Variants in PSMD9 observed in about 807,000 individuals in gnomAD.
PSMD9 encodes the protein proteasome 26S subunit, non-ATPase 9, also known as 26S proteasome non-ATPase regulatory subunit 9.
In PSMD9, 26 loss-of-function variants were observed where a neutral mutation model predicts 25.9. That is an observed-to-expected ratio of 1.00 (90% CI 0.73 to 1.39). The LOEUF (loss-of-function observed/expected upper bound fraction) is 1.39, where lower values mean the gene tolerates loss of function less well. Among genes scored for constraint, PSMD9 ranks in the 40% most tolerant of loss-of-function variants. The pLI is 0.00. For synonymous variants in PSMD9, 110 were observed against 114.5 expected, an observed-to-expected ratio of 0.96 and a Z score of 0.25; for missense variants, 303 against 299.3, an observed-to-expected ratio of 1.01 and a Z score of -0.09.
At chr12:121,902,070 T>C (rs1442084154) in intron 3 of PSMD9, 5 of 152,244 alleles carry the variant, frequency 3.3e-5, no homozygotes, top group African/African-American at 1.2e-4. Context: ...ACATTTGAAT[T>C]GTTACCACTT....
At position 121,888,881 on chromosome 12, in the gene PSMD9, A is replaced by T. The variant is rs747636891; in HGVS notation, c.25A>T (p.Ser9Cys). The T allele has an allele frequency of 6.2e-7, 1 of 1,603,920 alleles. No individual in the cohort carries two copies. The highest frequency in any genetic ancestry group is 8.5e-7 in the Non-Finnish European group (1 of 1,176,144). Residue 9 changes from serine to cysteine, a missense_variant, in exon 1 of 6, where the codon AGC (serine) becomes TGC (cysteine). Coordinates refer to ENST00000541212, the MANE Select transcript of PSMD9 (RefSeq NM_002813.7). The stretch of plus-strand genomic sequence containing the variant: ...GATGTCCGACGAGGAAGCGAGGCAG[A>T]GCGGAGGCTCCTCGCAGGCCGGCGT... MSDEEARQ[S>C]GGSSQAGVVT...
intron 4 of PSMD9, among the ~76,000 whole-genome samples, chr12:121,911,878 C>T (rs377341542): frequency 3.9e-5 from 6 of 152,018 alleles, no homozygotes; most frequent in African/African-American, 1.4e-4. Flanking sequence ...GCCTCGAACT[C>T]CTGACCTCAA....
intron 4 of PSMD9, chr12:121,910,850 T>C: frequency 4.2e-5 from 18 of 427,618 alleles, no homozygotes; most frequent in South Asian, 2.9e-4. Flanking sequence ...ATATCACCCC[T>C]ACCCATCTCC....
In PSMD9 at chr12:121,896,778, G is replaced by A. The variant is rs200370641; in HGVS notation, c.241+1937G>A. Among the ~76,000 whole-genome samples the A allele has an allele frequency of 2.7e-5, 4 of 150,004 alleles. No homozygotes were observed. In the East Asian group the frequency reaches 7.9e-4, roughly 30 times the overall value. Reference sequence around the variant, plus strand: ...TTGAACCCAGGAGGCGGAGGTTGCCGTGAGCCGAGATTGTGCCATTGCACT... The same window carrying A: ...TTGAACCCAGGAGGCGGAGGTTGCCATGAGCCGAGATTGTGCCATTGCACT... On this transcript the variant is annotated intron_variant, in intron 2 of 5. Coordinates refer to ENST00000541212, the MANE Select transcript of PSMD9 (RefSeq NM_002813.7).
At chr12:121,905,450 T>C (rs1879527402) in intron 4 of PSMD9, among the ~76,000 whole-genome samples, 1 of 151,634 alleles carries the variant, frequency 6.6e-6, no homozygotes, top group African/African-American at 2.4e-5. Flanking sequence ...GGTCTCGATC[T>C]CCTGACCTCG....
chr12:121,915,208 C>G (rs1363081247), intron 4 of PSMD9: 1 of 151,844 alleles, frequency 6.6e-6, no homozygotes, highest in African/African-American at 2.4e-5. Flanking sequence ...ACCTGTAGTC[C>G]CAGCTACTCA....
Position 121,888,925 on chromosome 12 carries a change from C to A in PSMD9, c.69C>A (p.Val23=). 1 of 1,595,484 alleles carries A rather than the reference C, an allele frequency of 6.3e-7. No homozygotes were observed. The stretch of plus-strand genomic sequence containing the variant: ...CCGGCGTCGTGACTGTCAGCGACGT[C>A]CAGGAGCTGATGCGGCGCAAGGAGG... The part of the protein sequence containing the change: ...SQAGVVTVSD[V]QELMRRKEEI... Residue 23 remains valine, a synonymous_variant, in exon 1 of 6, where the codon GTC becomes GTA. Transcript: ENST00000541212.
intron 1 of PSMD9, among the ~76,000 whole-genome samples, chr12:121,893,487 G>A (rs1181209418): frequency 6.6e-6 from 1 of 152,198 alleles, no homozygotes; most frequent in Non-Finnish European, 1.5e-5. Context: ...CACAGAGTTG[G>A]TGACTTAAAA....
At chr12:121,912,868 C>CAAAA (rs35325016) in intron 4 of PSMD9, among the ~76,000 whole-genome samples, 5 of 85,790 alleles carry the variant, frequency 5.8e-5, no homozygotes, top group Non-Finnish European at 1.1e-4. Flanking sequence ...AACCCTGTCT[C>CAAAA]AAAAAAAAAA....
At chr12:121,905,111 C>T (rs2135726935) in intron 4 of PSMD9, among the ~76,000 whole-genome samples, 1 of 152,016 alleles carries the variant, frequency 6.6e-6, no homozygotes, top group African/African-American at 2.4e-5. Context: ...AAAGACTGCT[C>T]ATATACCAGC....
chr12:121,908,426 G>A (rs1057438264), intron 4 of PSMD9, among the ~76,000 whole-genome samples: 5 of 152,074 alleles, frequency 3.3e-5, no homozygotes, highest in African/African-American at 7.2e-5. Flanking sequence ...TGATCTGCCC[G>A]CTTCGGCCTC....
chr12:121,911,032 T>TTTTTGTTTTG (rs58759018), intron 4 of PSMD9: 11 of 450,858 alleles, frequency 2.4e-5, no homozygotes, highest in East Asian at 7.1e-5. Flanking sequence ...CTGTGTAGTT[T>TTTTTGTTTTG]TTTTGTTTTG....
chr12:121,890,599 C>T (rs1879041780), intron 1 of PSMD9, among the ~76,000 whole-genome samples: 1 of 152,066 alleles, frequency 6.6e-6, no homozygotes, highest in African/African-American at 2.4e-5. Context: ...TCCCAAGTAG[C>T]TGAGACTGCA....
At position 121,896,602 on chromosome 12, in the gene PSMD9, C is replaced by T. The variant is rs1048293719; in HGVS notation, c.241+1761C>T. ...CTGTAATCCCAGCACACTGGGAGGCCGAGGTGGGCAGATCACCTGAGGTCG... is the reference window on the plus strand; with the variant it reads ...CTGTAATCCCAGCACACTGGGAGGCTGAGGTGGGCAGATCACCTGAGGTCG... On this transcript the variant is annotated intron_variant, in intron 2 of 5. Transcript: ENST00000541212. 1.1e-3 allele frequency among the ~76,000 whole-genome samples: 168 copies of T among 151,626 alleles called. 4 individuals are homozygous for T. The highest frequency in any genetic ancestry group is 8.8e-5 in the Non-Finnish European group (6 of 67,858).
At chr12:121,906,939 C>T (rs1204966879) in intron 4 of PSMD9, among the ~76,000 whole-genome samples, 3 of 145,520 alleles carry the variant, frequency 2.1e-5, no homozygotes, top group Non-Finnish European at 4.5e-5. Flanking sequence ...GCACCCTAGC[C>T]TGGGCGACAG....
chr12:121,889,598 T>C (rs149593528), intron 1 of PSMD9, among the ~76,000 whole-genome samples: 13 of 152,316 alleles, frequency 8.5e-5, no homozygotes, highest in Admixed American at 3.3e-4. Flanking sequence ...CAGATTTTGT[T>C]TGAGGCAAGG....
intron 4 of PSMD9, chr12:121,915,613 G>A (rs954497457): frequency 1.5e-5 from 8 of 521,388 alleles, no homozygotes; most frequent in African/African-American, 1.1e-4. Flanking sequence ...TACCTTGGAT[G>A]TACCTTTTAA....
intron 3 of PSMD9, among the ~76,000 whole-genome samples, chr12:121,901,499 T>C (rs1879394898): frequency 6.6e-6 from 1 of 151,822 alleles, no homozygotes; most frequent in Non-Finnish European, 1.5e-5. Flanking sequence ...TAGGCACATG[T>C]AACCATGCCT....
intron 3 of PSMD9, among the ~76,000 whole-genome samples, chr12:121,900,412 C>T (rs1191868888): frequency 2.6e-5 from 4 of 151,810 alleles, no homozygotes; most frequent in East Asian, 1.9e-4. Context: ...TTTTTTTGAC[C>T]GGGAGCATTG....
Sources: gnomAD v4.1 joint callset for allele counts (sites outside exome capture counted in the v4.1 genomes callset) on GRCh38, gnomAD v4.1.1 for gene constraint, MANE v1.5 for transcripts, NCBI Gene and HGNC (gene_info 2026-07-23, HGNC 2026-07-21) for gene names.